Variants in UNC13C observed in about 807,000 individuals in gnomAD.
The protein encoded by UNC13C is protein unc-13 homolog C.
A neutral mutation model predicts 245.4 loss-of-function variants in UNC13C; 174 were observed. The observed-to-expected ratio is 0.71, with a 90% CI of 0.63 to 0.80. The LOEUF (loss-of-function observed/expected upper bound fraction) is 0.80. Ranked by LOEUF, UNC13C falls within the 30% of genes least tolerant of loss-of-function variation. UNC13C has a pLI of 0.00. For synonymous variants in UNC13C, 992 were observed against 895.1 expected (o/e 1.11, Z -1.93); for missense variants, 2,829 against 2,602.9 (o/e 1.09, Z -1.89).
At chr15:54,369,926 C>T (rs2039451387) in intron 17 of UNC13C, among the ~76,000 whole-genome samples, 1 of 151,888 alleles carries the variant, frequency 6.6e-6, no homozygotes, top group Non-Finnish European at 1.5e-5. Context: ...AGTTAGGGAT[C>T]CTCGGTTTCC....
At chr15:54,263,951 C>T (rs1458445012) in intron 8 of UNC13C, among the ~76,000 whole-genome samples, 2 of 152,068 alleles carry the variant, frequency 1.3e-5, no homozygotes, top group Non-Finnish European at 2.9e-5. Flanking sequence ...GCCTGGGAAT[C>T]ATAGGAGGTC....
At chr15:54,157,393 G>A (rs59028070) in intron 4 of UNC13C, among the ~76,000 whole-genome samples, 43,662 of 152,036 alleles carry the variant, frequency 0.29, 6,507 homozygotes, top group African/African-American at 0.35. Context: ...CATTATAATC[G>A]CAAGATCATT....
chr15:54,458,000 C>T (rs1383718582), intron 19 of UNC13C, among the ~76,000 whole-genome samples: 1 of 143,666 alleles, frequency 7.0e-6, no homozygotes, highest in Non-Finnish European at 1.5e-5. Flanking sequence ...TGTGCTGTTT[C>T]AGATATTTAG....
intron 1 of UNC13C, among the ~76,000 whole-genome samples, chr15:53,979,437 A>G (rs1893835700): frequency 7.9e-6 from 1 of 125,856 alleles, no homozygotes. Context: ...TCAGTTCTTC[A>G]AGAAGAAGAT....
chr15:54,611,340 G>A (rs1900081730), intron 30 of UNC13C: 1 of 152,114 alleles, frequency 6.6e-6, no homozygotes, highest in Admixed American at 6.6e-5. Context: ...GGGGTTAACA[G>A]GATGCAATTG....
intron 1 of UNC13C, among the ~76,000 whole-genome samples, chr15:53,984,627 C>T (rs1481966166): frequency 6.6e-6 from 1 of 152,068 alleles, no homozygotes; most frequent in Non-Finnish European, 1.5e-5. Flanking sequence ...TCAGTGAGCA[C>T]TGGCTGTAAA....
intron 7 of UNC13C, among the ~76,000 whole-genome samples, chr15:54,242,831 C>A (rs1199980555): frequency 6.6e-6 from 1 of 152,136 alleles, no homozygotes; most frequent in African/African-American, 2.4e-5. Flanking sequence ...TTGTGATTAA[C>A]AATTTTTCAC....
At chr15:53,920,944 A>G in the UNC13C span, among the ~76,000 whole-genome samples, 2 of 151,774 alleles carry the variant, frequency 1.3e-5, no homozygotes, top group Non-Finnish European at 2.9e-5. Flanking sequence ...ATGTGCCATG[A>G]AAGTTTAACT....
intron 17 of UNC13C, among the ~76,000 whole-genome samples, chr15:54,357,930 A>G (rs1263444055): frequency 6.6e-6 from 1 of 152,078 alleles, no homozygotes. Flanking sequence ...TATTATTATC[A>G]AAAGCCCAAA....
At chr15:54,579,351 A>G (rs1385720869) in intron 30 of UNC13C, among the ~76,000 whole-genome samples, 1 of 152,178 alleles carries the variant, frequency 6.6e-6, no homozygotes, top group East Asian at 1.9e-4. Flanking sequence ...ATACTTTCTT[A>G]TGCAAAGTAC....
chr15:54,015,641 C>T lies in UNC13C; in HGVS notation c.2738C>T (p.Pro913Leu), dbSNP rs756443994. ...TATGATCACCTTTCATATGAAACAC[C>T]TTATGAAACCCCACAAGATGAGGGT... ...QAYDHLSYET[P>L]YETPQDEGYD... is the part of the protein sequence containing the mutation. Residue 913 changes from proline to leucine, a missense_variant, in exon 2 of 33, where the codon CCT (proline) becomes CTT (leucine). Coordinates refer to ENST00000260323, the MANE Select transcript of UNC13C (RefSeq NM_001080534.3). 6 of 1,613,494 alleles carry T rather than the reference C, an allele frequency of 3.7e-6. No homozygotes were observed. In the African/African-American group the frequency reaches 8.0e-5, roughly 22 times the overall value.
chr15:53,936,728 G>C, the UNC13C span, among the ~76,000 whole-genome samples: 2 of 152,136 alleles, frequency 1.3e-5, no homozygotes, highest in Admixed American at 1.3e-4. Flanking sequence ...AGATGTGGGA[G>C]GGACCAAAGT....
chr15:53,841,055 G>A, the UNC13C span, among the ~76,000 whole-genome samples: 1 of 152,222 alleles, frequency 6.6e-6, no homozygotes, highest in Non-Finnish European at 1.5e-5. Context: ...TGCGTGGATG[G>A]TCTCACAAAC....
intron 4 of UNC13C, among the ~76,000 whole-genome samples, chr15:54,197,434 G>A (rs1328421084): frequency 6.6e-6 from 1 of 151,304 alleles, no homozygotes; most frequent in Non-Finnish European, 1.5e-5. Flanking sequence ...CTGCACTACA[G>A]CCTGGGTGAC....
At position 54,221,486 on chromosome 15, in the gene UNC13C, A is replaced by G. The variant is rs1023642701; in HGVS notation, c.3072-13544A>G. Among the ~76,000 whole-genome samples, 5 of 151,860 alleles carry G rather than the reference A, an allele frequency of 3.3e-5. No individual in the cohort carries two copies. In the East Asian group the frequency reaches 9.6e-4, roughly 29 times the overall value. On this transcript the variant is annotated intron_variant, in intron 4 of 32. Transcript: ENST00000260323. Reference sequence around the variant, plus strand: ...AGTCATCAGGAAAATTATATTATATATATAAAATACATAACGTTAGGCAAA... The same window carrying G: ...AGTCATCAGGAAAATTATATTATATGTATAAAATACATAACGTTAGGCAAA...
chr15:54,336,827 G>A (rs112712633), intron 16 of UNC13C, among the ~76,000 whole-genome samples: 28 of 151,964 alleles, frequency 1.8e-4, no homozygotes, highest in Non-Finnish European at 3.5e-4. Flanking sequence ...CTGTTCAATT[G>A]TTTGTACATC....
At chr15:54,247,867 T>C (rs1315597220) in intron 7 of UNC13C, among the ~76,000 whole-genome samples, 1 of 152,158 alleles carries the variant, frequency 6.6e-6, no homozygotes, top group Admixed American at 6.5e-5. Context: ...TGAAATCTGC[T>C]CAGCTGTTTA....
At chr15:54,055,151 T>C (rs983216601) in intron 2 of UNC13C, among the ~76,000 whole-genome samples, 3 of 152,330 alleles carry the variant, frequency 2.0e-5, no homozygotes, top group East Asian at 1.9e-4. Context: ...TAACATGCAA[T>C]GCCAAATAAT....
At position 54,622,437 on chromosome 15, in the gene UNC13C, A is replaced by T; in HGVS notation, c.6199+18A>T. On this transcript the variant is annotated intron_variant, in intron 31 of 32. Coordinates refer to ENST00000260323, the MANE Select transcript of UNC13C (RefSeq NM_001080534.3). ...TGTAAAAGGTATACTTCTGGTCTAG[A>T]TAAATCAAAACAGCCTTCTAAACTT... The T allele has an allele frequency of 6.3e-7, 1 of 1,582,316 alleles. No homozygotes were observed. Among genetic ancestry groups the T allele is most frequent in the Non-Finnish European group, 8.7e-7 (1 of 1,151,392 alleles).
Sources: gnomAD v4.1 joint callset for allele counts (sites outside exome capture counted in the v4.1 genomes callset) on GRCh38, gnomAD v4.1.1 for gene constraint, MANE v1.5 for transcripts, NCBI Gene and HGNC (gene_info 2026-07-23, HGNC 2026-07-21) for gene names.